SLC39A10: variants seen among roughly 807,000 people sequenced by gnomAD.
SLC39A10 encodes the protein zinc transporter ZIP10.
Under a neutral mutation model 65.1 loss-of-function variants are expected in SLC39A10, and 13 were observed. That is an observed-to-expected ratio of 0.20 (90% CI 0.13 to 0.32). SLC39A10 has a LOEUF of 0.32. Ranked by LOEUF, SLC39A10 falls within the 10% of genes least tolerant of loss-of-function variation. SLC39A10 has a pLI of 1.00. For missense variants in SLC39A10, 831 were observed against 1,018.4 expected (o/e 0.82, Z 2.50); for synonymous variants, 321 against 342.2 (o/e 0.94, Z 0.68).
chr2:195,673,071 G>A (rs765381113), intron 1 of SLC39A10, among the ~76,000 whole-genome samples: 1 of 152,064 alleles, frequency 6.6e-6, no homozygotes, highest in Non-Finnish European at 1.5e-5. Flanking sequence ...ATGCTGCTTT[G>A]GAATTGTTTT....
intron 2 of SLC39A10, among the ~76,000 whole-genome samples, chr2:195,639,719 G>A (rs898093007): frequency 6.6e-6 from 1 of 152,154 alleles, no homozygotes; most frequent in Non-Finnish European, 1.5e-5. Context: ...TGGGATTACA[G>A]GCGAGTGCCA....
chr2:195,623,942 G>A (rs1001571024), intron 2 of SLC39A10, among the ~76,000 whole-genome samples: 1 of 135,076 alleles, frequency 7.4e-6, no homozygotes, highest in East Asian at 2.1e-4. Context: ...CACACACACC[G>A]TCTTAGATAT....
intron 2 of SLC39A10, among the ~76,000 whole-genome samples, chr2:195,624,594 G>A (rs1688423841): frequency 1.3e-5 from 2 of 151,992 alleles, no homozygotes; most frequent in African/African-American, 4.8e-5. Flanking sequence ...TAAACTTCAA[G>A]CCGGGCACGA....
At chr2:195,635,524 A>C (rs1319143749) in intron 2 of SLC39A10, among the ~76,000 whole-genome samples, 1 of 152,196 alleles carries the variant, frequency 6.6e-6, no homozygotes, top group African/African-American at 2.4e-5. Flanking sequence ...TTTAGCACAA[A>C]TCAAAGAAGT....
chr2:195,703,145 A>G (rs1311077173), intron 3 of SLC39A10, among the ~76,000 whole-genome samples: 2 of 152,142 alleles, frequency 1.3e-5, no homozygotes, highest in Admixed American at 1.3e-4. Context: ...AATACCCCCT[A>G]TCTCATAGAA....
chr2:195,728,046 A>G lies in SLC39A10; in HGVS notation c.2147-113A>G. 1.1e-6 allele frequency: 1 copy of G among 922,586 alleles called. No individual in the cohort carries two copies. Among genetic ancestry groups the G allele is most frequent in the Non-Finnish European group, 1.6e-6 (1 of 623,740 alleles). 57.1% of individuals were successfully genotyped at this position (922,586 alleles called of 1,614,324 possible). On this transcript the variant is annotated intron_variant, in intron 8 of 9. Coordinates refer to ENST00000359634, the MANE Select transcript of SLC39A10 (RefSeq NM_020342.3). This position sits in a 1 kb window ranked among gnomAD's most constrained non-coding sequence, Gnocchi z 4.4. ...AAATATTTTATATATCACATAAAAT[A>G]CTGTTATTAAAAGTGTGTATCTTTT...
chr2:195,632,290 CTTT>C (rs202193660), intron 2 of SLC39A10, among the ~76,000 whole-genome samples: 650 of 69,112 alleles, frequency 9.4e-3, no homozygotes, highest in African/African-American at 0.037. Flanking sequence ...ATTCTACTTC[CTTT>C]TTTTTTTTTT....
chr2:195,734,817 T>G, intron 9 of SLC39A10, 66 bp from the exon 10 acceptor site: 1 of 1,459,986 alleles, frequency 6.8e-7, no homozygotes, highest in South Asian at 1.4e-5. Flanking sequence ...AGTAGGAAAA[T>G]GTTTTTAAAA....
chr2:195,623,517 C>T (rs1408404858), intron 2 of SLC39A10, among the ~76,000 whole-genome samples: 1 of 152,106 alleles, frequency 6.6e-6, no homozygotes, highest in Admixed American at 6.6e-5. Context: ...AAACCAAATA[C>T]TTACTATGAA....
At chr2:195,698,954 T>C (rs934998397) in intron 3 of SLC39A10, among the ~76,000 whole-genome samples, 1 of 152,010 alleles carries the variant, frequency 6.6e-6, no homozygotes, top group African/African-American at 2.4e-5. Context: ...TTGGAAGATT[T>C]TTGATTTCTG....
chr2:195,701,337 CTTTTT>C (rs35540908), intron 3 of SLC39A10, among the ~76,000 whole-genome samples: 1 of 105,936 alleles, frequency 9.4e-6, no homozygotes, highest in Non-Finnish European at 1.9e-5. Context: ...ATCTTCTTGA[CTTTTT>C]TTTTTTTTTT....
chr2:195,617,580 A>G (rs1376045116), intron 2 of SLC39A10, among the ~76,000 whole-genome samples: 1 of 151,610 alleles, frequency 6.6e-6, no homozygotes, highest in Non-Finnish European at 1.5e-5. Context: ...AAAGAAAGTT[A>G]ACTGAGATGA....
At chr2:195,660,982 T>C (rs1359559013) in intron 1 of SLC39A10, among the ~76,000 whole-genome samples, 1 of 152,178 alleles carries the variant, frequency 6.6e-6, no homozygotes, top group Non-Finnish European at 1.5e-5. Context: ...TCTTAAAAAA[T>C]AGTTTCAAGG....
At chr2:195,681,166 T>G in intron 2 of SLC39A10, 116 bp downstream of exon 2, 1 of 956,628 alleles carries the variant, frequency 1.0e-6, no homozygotes, top group Non-Finnish European at 1.5e-6. Flanking sequence ...TATTTCCATA[T>G]GTTTACCTAT....
At chr2:195,663,583 TTTCTA>T (rs1448333235) in intron 1 of SLC39A10, among the ~76,000 whole-genome samples, 1 of 152,148 alleles carries the variant, frequency 6.6e-6, no homozygotes, top group Non-Finnish European at 1.5e-5. Context: ...GAGATCATGT[TTTCTA>T]TTCCCATGGA....
chr2:195,702,269 A>G (rs182366539), intron 3 of SLC39A10, among the ~76,000 whole-genome samples: 154 of 152,246 alleles, frequency 1.0e-3, no homozygotes, highest in Non-Finnish European at 1.5e-3. Flanking sequence ...CAGATCCTCA[A>G]TATTTGGGGA....
rs146819493 is a variant in SLC39A10 at position 195,621,259 on chromosome 2, G to A, written c.-12+15026G>A. Among the ~76,000 whole-genome samples the A allele has an allele frequency of 3.6e-3, 547 of 152,266 alleles. 2 individuals carry two copies. Among genetic ancestry groups the A allele is most frequent in the African/African-American group, 0.013 (522 of 41,530 alleles). On this transcript the variant is annotated intron_variant, in intron 2 of 2. Transcript: ENST00000458054. ...CAAAATTTGAATATACATTATTTAG[G>A]TTGTTTATGTAGTACATATAGATAT... is the stretch of plus-strand genomic sequence containing the variant.
chr2:195,659,602 T>A (rs1174838022), intron 1 of SLC39A10, among the ~76,000 whole-genome samples: 6 of 152,168 alleles, frequency 3.9e-5, no homozygotes, highest in Admixed American at 1.3e-4. Context: ...CTGGAAAAAA[T>A]TTAGGGCTTT....
At chr2:195,644,649 TAAA>T (rs1244093451) in intron 2 of SLC39A10, among the ~76,000 whole-genome samples, 1 of 151,366 alleles carries the variant, frequency 6.6e-6, no homozygotes, top group Admixed American at 6.6e-5. Context: ...ACTAAAAAAT[TAAA>T]AAAATAGCTG....
Sources: allele counts gnomAD v4.1 joint callset (sites outside exome capture counted in the v4.1 genomes callset), GRCh38; gene constraint gnomAD v4.1.1; non-coding constraint Gnocchi (gnomAD v3.1); transcripts MANE v1.5; gene names NCBI Gene and HGNC (gene_info 2026-07-23, HGNC 2026-07-21).